The following AGTPBP1 variants were observed in gnomAD, a reference collection of about 807,000 sequenced individuals.
AGTPBP1 encodes cytosolic carboxypeptidase 1.
In AGTPBP1, 70 loss-of-function variants were observed where a neutral mutation model predicts 143.9. The ratio of observed to expected loss-of-function variants is 0.49; its 90% confidence interval spans 0.40 to 0.59. AGTPBP1 has a LOEUF of 0.59. Among genes scored for constraint, AGTPBP1 ranks in the 20% least tolerant of loss-of-function variants. The pLI, the probability that AGTPBP1 is intolerant of heterozygous loss-of-function variation, is 0.00. For synonymous variants in AGTPBP1, 463 were observed against 500.2 expected (o/e 0.93, Z 0.99); for missense variants, 1,229 against 1,464.5 (o/e 0.84, Z 2.62).
intron 18 of AGTPBP1, among the ~76,000 whole-genome samples, chr9:85,595,196 A>C (rs1305432406): frequency 6.6e-6 from 1 of 152,220 alleles, no homozygotes; most frequent in Non-Finnish European, 1.5e-5. Flanking sequence ...AGTACTTAAC[A>C]CCAAGTTTTT....
chr9:85,799,374 T>C, the AGTPBP1 span, among the ~76,000 whole-genome samples: 1 of 152,308 alleles, frequency 6.6e-6, no homozygotes, highest in South Asian at 2.1e-4. Context: ...TCAAATGGTA[T>C]ATCTAGTTCT....
At position 85,589,429 on chromosome 9, in the gene AGTPBP1, G is replaced by C. The variant is rs940084576; in HGVS notation, c.2722+99C>G. 32 of 1,434,094 alleles carry C rather than the reference G, an allele frequency of 2.2e-5. No homozygotes were observed. In the African/African-American group the frequency reaches 4.3e-4, roughly 19 times the overall value. 88.8% of individuals were successfully genotyped at this position (1,434,094 alleles called of 1,614,324 possible). ...GCCAAGACTAGAGCCCAAGTCTTCT[G>C]ATGTCTGTTCCTATTATCATTTCCA... On this transcript the variant is annotated intron_variant, in intron 20 of 25. Coordinates refer to ENST00000357081, the MANE Select transcript of AGTPBP1 (RefSeq NM_001330701.2).
intron 4 of AGTPBP1, among the ~76,000 whole-genome samples, chr9:85,679,048 T>G (rs955873002): frequency 7.9e-5 from 12 of 152,322 alleles, no homozygotes; most frequent in Admixed American, 3.3e-4. Flanking sequence ...AGTTTCAAAT[T>G]TAACTAAGGA....
chr9:85,741,887 C>G lies in AGTPBP1; in HGVS notation c.-146G>C, dbSNP rs543901900. 2.9e-6 allele frequency: 4 copies of G among 1,370,612 alleles called. No homozygotes were observed. The East Asian group carries it at 9.3e-5, about 32-fold the overall frequency. The allele number at this position is 1,370,612 out of a possible 1,614,324, so 84.9% of individuals were successfully genotyped here. A position where few individuals can be genotyped will look rare whatever the true frequency, so the allele number is the denominator to read the frequency against. On this transcript the variant is annotated 5_prime_UTR_variant, in exon 1 of 26. Coordinates refer to ENST00000357081, the MANE Select transcript of AGTPBP1 (RefSeq NM_001330701.2). ...CCGCCCGGTGTTTTCATACAAACCC[C>G]GGTGGCAGGCGAGGCGGAGGCGGCG...
At chr9:85,573,116 C>T (rs1366344931) in intron 25 of AGTPBP1, among the ~76,000 whole-genome samples, 1 of 152,056 alleles carries the variant, frequency 6.6e-6, no homozygotes, top group Admixed American at 6.6e-5. Context: ...CCACGGTCTC[C>T]CTCTCCCTCT....
At chr9:85,754,102 C>T in the AGTPBP1 span, among the ~76,000 whole-genome samples, 16 of 152,152 alleles carry the variant, frequency 1.1e-4, no homozygotes, top group Admixed American at 1.0e-3. Flanking sequence ...ATTCTTATTT[C>T]AGTAGAAAGG....
intron 9 of AGTPBP1, among the ~76,000 whole-genome samples, chr9:85,660,519 G>T (rs970799767): frequency 4.6e-5 from 7 of 152,022 alleles, no homozygotes; most frequent in Non-Finnish European, 2.9e-5. Context: ...TACATTTATG[G>T]TAGAAATAAA....
intron 17 of AGTPBP1, among the ~76,000 whole-genome samples, chr9:85,600,471 AAGAC>A (rs1829591115): frequency 6.6e-6 from 1 of 152,190 alleles, no homozygotes; most frequent in African/African-American, 2.4e-5. Context: ...TAGATCATCT[AAGAC>A]AGAACACTGA....
chr9:85,551,104 G>A (rs534895298), intron 25 of AGTPBP1, among the ~76,000 whole-genome samples: 6 of 83,050 alleles, frequency 7.2e-5, no homozygotes, highest in South Asian at 4.2e-4. Context: ...TGCCTTCCAC[G>A]AGTAAAAGCT....
chr9:85,786,042 T>G, the AGTPBP1 span: 7 of 1,258,434 alleles, frequency 5.6e-6, no homozygotes, highest in African/African-American at 9.1e-5. Context: ...ATGTTTTGAT[T>G]AAAACACCTA....
intron 17 of AGTPBP1, among the ~76,000 whole-genome samples, chr9:85,617,333 A>G (rs79830543): frequency 0.021 from 3,139 of 152,204 alleles, 111 homozygotes; most frequent in African/African-American, 0.071. Context: ...CTTGTCACAC[A>G]TATGTTTCTT....
chr9:85,712,132 G>A (rs1587956767), intron 2 of AGTPBP1, among the ~76,000 whole-genome samples: 1 of 152,164 alleles, frequency 6.6e-6, no homozygotes, highest in Middle Eastern at 3.4e-3. Flanking sequence ...GGGTGTGGTG[G>A]TGGGTGCCTG....
intron 25 of AGTPBP1, among the ~76,000 whole-genome samples, chr9:85,566,378 A>C (rs1437233912): frequency 2.0e-5 from 3 of 151,972 alleles, no homozygotes; most frequent in South Asian, 2.1e-4. Flanking sequence ...CAAACAAAAA[A>C]AATTAGCTGG....
intron 10 of AGTPBP1, among the ~76,000 whole-genome samples, chr9:85,656,617 GA>G (rs1006955197): frequency 6.6e-6 from 1 of 151,812 alleles, no homozygotes; most frequent in African/African-American, 2.4e-5. Flanking sequence ...AAAAAAAAGA[GA>G]GGGGGTTGCA....
At chr9:85,632,348 G>A (rs1394484247) in intron 14 of AGTPBP1, among the ~76,000 whole-genome samples, 1 of 152,074 alleles carries the variant, frequency 6.6e-6, no homozygotes, top group Non-Finnish European at 1.5e-5. Context: ...ATATTGCTAA[G>A]AATATTTATT....
At chr9:85,715,278 C>T (rs1160533307) in intron 1 of AGTPBP1, among the ~76,000 whole-genome samples, 1 of 150,614 alleles carries the variant, frequency 6.6e-6, no homozygotes, top group East Asian at 1.9e-4. Context: ...ATAAAGCAAA[C>T]AAGAATTCTG....
At chr9:85,645,545 A>G (rs577072644) in intron 12 of AGTPBP1, among the ~76,000 whole-genome samples, 47 of 152,274 alleles carry the variant, frequency 3.1e-4, no homozygotes, top group African/African-American at 1.1e-3. Context: ...ATCTTCCAAT[A>G]TCTTAACTTC....
the AGTPBP1 span, chr9:85,765,100 G>A: frequency 1.7e-4 from 85 of 503,912 alleles, no homozygotes; most frequent in African/African-American, 1.4e-3. Context: ...CGCTTGACTA[G>A]AGACTGAGAT....
intron 2 of AGTPBP1, among the ~76,000 whole-genome samples, chr9:85,700,255 C>T (rs78521940): frequency 0.032 from 4,838 of 152,306 alleles, 127 homozygotes; most frequent in Non-Finnish European, 0.052. Flanking sequence ...ATCCCCTTGG[C>T]TTATTCAACA....
Sources: allele counts gnomAD v4.1 joint callset (sites outside exome capture counted in the v4.1 genomes callset), GRCh38; gene constraint gnomAD v4.1.1; transcripts MANE v1.5; gene names NCBI Gene and HGNC (gene_info 2026-07-23, HGNC 2026-07-21).